The following TBRG1 variants were observed in gnomAD, a reference collection of about 807,000 sequenced individuals.
TBRG1 encodes transforming growth factor beta regulator 1, also known as nuclear interactor of ARF and MDM2.
TBRG1 carries 31 observed loss-of-function variants against 44.0 expected under a neutral mutation model. The ratio of observed to expected loss-of-function variants is 0.70; its 90% CI spans 0.53 to 0.95. TBRG1 has a LOEUF of 0.95. Among genes scored for constraint, TBRG1 ranks in the 40% least tolerant of loss-of-function variants. The probability of loss-of-function intolerance (pLI) is 0.00; values close to 1 mark genes in which losing one functional copy is unlikely to be tolerated. For missense variants in TBRG1, 487 were observed against 496.1 expected (o/e 0.98, Z 0.18); for synonymous variants, 171 against 188.1 (o/e 0.91, Z 0.74).
Position 124,626,954 on chromosome 11 carries a change from G to T in TBRG1, c.642G>T (p.Val214=). Residue 214 remains valine (V), a synonymous_variant, in exon 5 of 9, where the codon GTG becomes GTT. Coordinates refer to ENST00000441174, the MANE Select transcript of TBRG1 (RefSeq NM_032811.3). ...ATGATGAGAGTGCCATCTACCCCGT[G>T]GGCTATTGCAGTACTCGAATATATG... ...GFHDESAIYP[V]GYCSTRIYAS... 6.2e-7 allele frequency: 1 copy of T among 1,602,770 alleles called. No homozygotes were observed. Among genetic ancestry groups the T allele is most frequent in the Non-Finnish European group, 8.5e-7 (1 of 1,173,966 alleles).
In TBRG1 at chr11:124,635,619, T is replaced by C. The variant is rs1210833371; in HGVS notation, c.*3381T>C. 2 of 152,258 alleles carry C rather than the reference T, an allele frequency of 1.3e-5. No homozygotes were observed. Among genetic ancestry groups the C allele is most frequent in the African/African-American group, 4.8e-5 (2 of 41,472 alleles). 9.4% of individuals were successfully genotyped at this position (152,258 alleles called of 1,614,324 possible). A position where few individuals can be genotyped will look rare whatever the true frequency, so the allele number is the denominator to read the frequency against. ...TGATTTCATTAATATATTCACTATCTAAACCATATTTTTTACACTACGTAA... is the reference window on the plus strand; with the variant it reads ...TGATTTCATTAATATATTCACTATCCAAACCATATTTTTTACACTACGTAA... On this transcript the variant is annotated 3_prime_UTR_variant, in exon 9 of 9. Coordinates refer to ENST00000441174, the MANE Select transcript of TBRG1 (RefSeq NM_032811.3).
In TBRG1 at chr11:124,622,905, C is replaced by T. The variant is rs938368896; in HGVS notation, c.-179C>T. On this transcript the variant is annotated 5_prime_UTR_variant, in exon 1 of 9. Coordinates refer to ENST00000441174, the MANE Select transcript of TBRG1 (RefSeq NM_032811.3). ...CGGAAGTGCTGGGAGGCGCCGGGAG[C>T]CCGTTCGGTTGCGGGTGTCTCTGGC... 8 of 631,140 alleles carry T rather than the reference C, an allele frequency of 1.3e-5. No homozygotes were observed. Among genetic ancestry groups the T allele is most frequent in the African/African-American group, 1.1e-4 (6 of 53,616 alleles). The allele number at this position is 631,140 out of a possible 1,614,324, so 39.1% of individuals were successfully genotyped here.
chr11:124,624,099 G>A (rs1185859377), intron 1 of TBRG1, among the ~76,000 whole-genome samples: 1 of 152,178 alleles, frequency 6.6e-6, no homozygotes, highest in Admixed American at 6.5e-5. Context: ...GCACTGGAGA[G>A]AAACAAGAAA....
chr11:124,626,235 T>G (rs1376146036), intron 3 of TBRG1, among the ~76,000 whole-genome samples: 1 of 152,192 alleles, frequency 6.6e-6, no homozygotes, highest in Non-Finnish European at 1.5e-5. Flanking sequence ...CTTGGTAAAT[T>G]TCTGATCTTA....
chr11:124,635,624 C>CAT lies in TBRG1; in HGVS notation c.*3389_*3390dup. The stretch of plus-strand genomic sequence containing the variant: ...TCATTAATATATTCACTATCTAAAC[C>CAT]ATATTTTTTACACTACGTAAAATAC... On this transcript the variant is annotated 3_prime_UTR_variant, in exon 9 of 9. Transcript: ENST00000441174. 6.6e-6 allele frequency: 1 copy of CAT among 152,180 alleles called. No homozygotes were observed. Among genetic ancestry groups the CAT allele is most frequent in the African/African-American group, 2.4e-5 (1 of 41,508 alleles). The allele number at this position is 152,180 out of a possible 1,614,324, so 9.4% of individuals were successfully genotyped here. A position where few individuals can be genotyped will look rare whatever the true frequency, so the allele number is the denominator to read the frequency against.
Position 124,630,383 on chromosome 11 carries a change from C to G in TBRG1, c.739-5C>G. On this transcript the variant is annotated splice_polypyrimidine_tract_variant and splice_region_variant and intron_variant, in intron 5 of 8. Coordinates refer to ENST00000441174, the MANE Select transcript of TBRG1 (RefSeq NM_032811.3). ...TTGATCTCATTGCTCGTTTGTCTTT[C>G]TCAGTTTGAAATTGTTCCTGAAGAT... 1 of 1,601,824 alleles carries G rather than the reference C, an allele frequency of 6.2e-7. No individual in the cohort carries two copies. The highest frequency in any genetic ancestry group is 8.6e-7 in the Non-Finnish European group (1 of 1,168,828).
Position 124,631,398 on chromosome 11 carries a change from G to A in TBRG1, c.1071G>A (p.Gln357=). ...AGAGACAGATCTTTGATGAAGATCA[G>A]AATGATCCCCTTCTGCCAGGTATCT... The part of the protein sequence containing the change: ...AFQRQIFDED[Q]NDPLLPGSLD... The change falls in exon 8 of 9, where the codon CAG becomes CAA. Residue 357 remains glutamine, a synonymous_variant. Transcript: ENST00000441174. 1 of 1,614,002 alleles carries A rather than the reference G, an allele frequency of 6.2e-7. No homozygotes were observed. The highest frequency in any genetic ancestry group is 8.5e-7 in the Non-Finnish European group (1 of 1,179,890).
chr11:124,631,620 C>T (rs1942612229), intron 8 of TBRG1: 1 of 614,584 alleles, frequency 1.6e-6, no homozygotes, highest in Non-Finnish European at 2.9e-6. Flanking sequence ...ATGGGGAGCA[C>T]CTGCGATCAT....
At chr11:124,626,447 T>C in intron 3 of TBRG1, 26 bp from the exon 4 acceptor site, 1 of 1,507,934 alleles carries the variant, frequency 6.6e-7, no homozygotes, top group South Asian at 1.3e-5. Flanking sequence ...GGGCCTAAAG[T>C]GGGTGACCCC....
At chr11:124,632,063 C>A (rs755020964) in intron 8 of TBRG1, 30 bp from the exon 9 acceptor site, 1 of 1,610,982 alleles carries the variant, frequency 6.2e-7, no homozygotes, top group African/African-American at 1.3e-5. Flanking sequence ...TCCCGAGCAG[C>A]AGTGGAACTT....
At chr11:124,629,075 C>T (rs1265188548) in intron 5 of TBRG1, among the ~76,000 whole-genome samples, 1 of 152,276 alleles carries the variant, frequency 6.6e-6, no homozygotes, top group Non-Finnish European at 1.5e-5. Context: ...CTTTAATGCT[C>T]TTTACTCAAA....
In TBRG1 at chr11:124,625,750, A is replaced by G. The variant is rs1430858488; in HGVS notation, c.301A>G (p.Ser101Gly). The change falls in exon 3 of 9, where the codon AGT becomes GGT. Residue 101 changes from serine (S) to glycine (G), a missense_variant. Physicochemically the swap from Ser to Gly is moderately conservative, Grantham distance 56 (BLOSUM62 0). Coordinates refer to ENST00000441174, the MANE Select transcript of TBRG1 (RefSeq NM_032811.3). ...VQAAAPSHSS[S>G]LPLTYGVASS... The stretch of plus-strand genomic sequence containing the variant: ...GGCTGCAGCTCCTTCCCACAGTTCC[A>G]GTTTGCCCCTGACTTATGGTGTGGC... 1.9e-6 allele frequency: 3 copies of G among 1,564,604 alleles called. No homozygotes were observed. The highest frequency in any genetic ancestry group is 3.8e-5 in the Admixed American group (2 of 52,658).
chr11:124,623,822 A>G (rs1439138931), intron 1 of TBRG1, among the ~76,000 whole-genome samples: 1 of 152,206 alleles, frequency 6.6e-6, no homozygotes, highest in Non-Finnish European at 1.5e-5. Flanking sequence ...TTATTGTAGA[A>G]GCACTGGATT....
chr11:124,624,168 C>T (rs975158196), intron 1 of TBRG1, among the ~76,000 whole-genome samples: 8 of 152,018 alleles, frequency 5.3e-5, no homozygotes, highest in Admixed American at 3.3e-4. Context: ...ATCCCCTATA[C>T]GTCAAAGGTA....
Position 124,623,148 on chromosome 11 carries a change from T to G in TBRG1, c.65T>G (p.Met22Arg). 1 of 1,551,606 alleles carries G rather than the reference T, an allele frequency of 6.4e-7. No individual in the cohort carries two copies. The highest frequency in any genetic ancestry group is 1.4e-5 in the African/African-American group (1 of 73,180). ...CCGCTGCAGTCCAGCAAGGCCAGGATGAAAAAGCTCCCGAAGAAGAGCCAG... is the reference window on the plus strand; with the variant it reads ...CCGCTGCAGTCCAGCAAGGCCAGGAGGAAAAAGCTCCCGAAGAAGAGCCAG... ...RAPLQSSKAR[M>R]KKLPKKSQNE... The change falls in exon 1 of 9, where the codon ATG becomes AGG. Residue 22 changes from methionine to arginine, a missense_variant. Physicochemically the swap from Met to Arg is moderately conservative, Grantham distance 91. Coordinates refer to ENST00000441174, the MANE Select transcript of TBRG1 (RefSeq NM_032811.3).
chr11:124,625,635 A>C (rs1942450635), intron 2 of TBRG1, 36 bp from the exon 3 acceptor site: 1 of 1,533,272 alleles, frequency 6.5e-7, no homozygotes, highest in African/African-American at 1.4e-5. Context: ...ACAATACGGA[A>C]GTTCATTTCT....
rs764528371 is a variant in TBRG1 at position 124,630,481 on chromosome 11, A to G, written c.832A>G (p.Thr278Ala). The G allele has an allele frequency of 3.7e-6, 6 of 1,609,630 alleles. No individual in the cohort carries two copies. Among genetic ancestry groups the G allele is most frequent in the Non-Finnish European group, 5.1e-6 (6 of 1,175,864 alleles). The stretch of plus-strand genomic sequence containing the variant: ...AGAACTGCTCAGGACTATAAGCACT[A>G]CTATGTAAGTTGACCAAAAGCTTGA... Reference protein sequence around the residue: ...HAELLRTISTTMGKLMPNLLP... With the variant: ...HAELLRTISTAMGKLMPNLLP... Residue 278 changes from threonine (T) to alanine (A), a missense_variant, in exon 6 of 9, where the codon ACT (threonine) becomes GCT (alanine). By Grantham distance (58) the Thr-to-Ala change is moderately conservative (BLOSUM62 0). Coordinates refer to ENST00000441174, the MANE Select transcript of TBRG1 (RefSeq NM_032811.3).
At chr11:124,623,450 T>C in intron 1 of TBRG1, 1 of 669,336 alleles carries the variant, frequency 1.5e-6, no homozygotes, top group South Asian at 1.5e-5. Context: ...GAATAATGAA[T>C]ATTAAATGAG....
rs977217255 is a variant in TBRG1, at chr11:124,634,753, A to T, written c.*2515A>T. 1 of 152,242 alleles carries T rather than the reference A, an allele frequency of 6.6e-6. No individual in the cohort carries two copies. The highest frequency in any genetic ancestry group is 6.5e-5 in the Admixed American group (1 of 15,288). 9.4% of individuals were successfully genotyped at this position (152,242 alleles called of 1,614,324 possible). A position where few individuals can be genotyped will look rare whatever the true frequency, so the allele number is the denominator to read the frequency against. On this transcript the variant is annotated 3_prime_UTR_variant, in exon 9 of 9. Transcript: ENST00000441174. ...ATTCTATTATTTACATAAGAAAATT[A>T]TTTTGGTAAAGTAAGTAAGTCAAAA...
Sources: gnomAD v4.1 joint callset for allele counts (sites outside exome capture counted in the v4.1 genomes callset) on GRCh38, gnomAD v4.1.1 for gene constraint, MANE v1.5 for transcripts, NCBI Gene and HGNC (gene_info 2026-07-23, HGNC 2026-07-21) for gene names.